CDH20: variants seen among roughly 807,000 people sequenced by gnomAD.
The protein encoded by CDH20 is cadherin 20, also known as cadherin-20.
CDH20 carries 29 observed loss-of-function variants against 74.2 expected under a neutral mutation model. The observed-to-expected ratio is 0.39, with a 90% CI of 0.29 to 0.53. The LOEUF (loss-of-function observed/expected upper bound fraction) is 0.53. Among genes scored for constraint, CDH20 ranks in the 20% least tolerant of loss-of-function variants. The probability of loss-of-function intolerance (pLI) is 0.69; values close to 1 mark genes in which losing one functional copy is unlikely to be tolerated. For synonymous variants in CDH20, 469 were observed against 405.4 expected (o/e 1.16, Z -1.88); for missense variants, 988 against 1,048.3 (o/e 0.94, Z 0.79).
intron 1 of CDH20, among the ~76,000 whole-genome samples, chr18:61,349,805 G>T (rs962428950): frequency 6.6e-6 from 1 of 151,586 alleles, no homozygotes; most frequent in African/African-American, 2.4e-5. Flanking sequence ...TCAAAATTAG[G>T]TGTTTTAATC....
intron 5 of CDH20, among the ~76,000 whole-genome samples, chr18:61,506,957 G>A (rs1360529960): frequency 6.6e-6 from 1 of 152,154 alleles, no homozygotes; most frequent in Non-Finnish European, 1.5e-5. Context: ...AAAAAAGATG[G>A]ACATTTGAAG....
intron 6 of CDH20, among the ~76,000 whole-genome samples, chr18:61,515,720 T>C (rs866062096): frequency 6.9e-6 from 1 of 144,354 alleles, no homozygotes; most frequent in African/African-American, 2.6e-5. Context: ...ATAGGTAGAA[T>C]TGAACAATGA....
chr18:61,554,792 G>T lies in CDH20; in HGVS notation c.*97G>T, dbSNP rs891723514. The T allele has an allele frequency of 2.1e-6, 3 of 1,446,430 alleles. No individual in the cohort carries two copies. The highest frequency in any genetic ancestry group is 1.8e-6 in the Non-Finnish European group (2 of 1,100,662). The allele number at this position is 1,446,430 out of a possible 1,614,324, so 89.6% of individuals were successfully genotyped here. On this transcript the variant is annotated 3_prime_UTR_variant, in exon 12 of 12. Transcript: ENST00000262717. Reference sequence around the variant, plus strand: ...CAACCACACGAGCAATACTGTGCTGGAGAGTGAGAATGGGGGTGAGCAGGC... The same window carrying T: ...CAACCACACGAGCAATACTGTGCTGTAGAGTGAGAATGGGGGTGAGCAGGC...
intron 6 of CDH20, among the ~76,000 whole-genome samples, chr18:61,525,964 A>ATTTGTTT (rs1912384167): frequency 1.2e-5 from 1 of 84,366 alleles, no homozygotes; most frequent in African/African-American, 5.6e-5. Context: ...CACCCAGCTA[A>ATTTGTTT]TTTTTTTTTT....
intron 1 of CDH20, among the ~76,000 whole-genome samples, chr18:61,413,670 T>C (rs867936629): frequency 5.9e-5 from 9 of 151,924 alleles, no homozygotes; most frequent in Non-Finnish European, 1.3e-4. Flanking sequence ...ATATTTTTTA[T>C]ATCCTCTGTA....
chr18:61,487,648 G>A (rs1326140688), intron 1 of CDH20, among the ~76,000 whole-genome samples: 1 of 152,130 alleles, frequency 6.6e-6, no homozygotes, highest in Non-Finnish European at 1.5e-5. Flanking sequence ...TGGAGGGGAG[G>A]AAAATAAGAA....
chr18:61,371,861 T>C (rs1911054518), intron 1 of CDH20, among the ~76,000 whole-genome samples: 1 of 152,108 alleles, frequency 6.6e-6, no homozygotes, highest in Non-Finnish European at 1.5e-5. Context: ...ATGACTCCAG[T>C]AGAGGACTGC....
At chr18:61,356,715 G>A (rs191651526) in intron 1 of CDH20, among the ~76,000 whole-genome samples, 7 of 152,272 alleles carry the variant, frequency 4.6e-5, no homozygotes, top group Admixed American at 4.6e-4. Context: ...TTGGCTGACA[G>A]CTCTGGCTAA....
At chr18:61,445,105 G>A (rs1909156267) in intron 1 of CDH20, among the ~76,000 whole-genome samples, 1 of 151,920 alleles carries the variant, frequency 6.6e-6, no homozygotes. Flanking sequence ...AGGTTTTAAA[G>A]CTTGGCTATG....
At position 61,473,184 on chromosome 18, in the gene CDH20, T is replaced by C. The variant is rs370905458; in HGVS notation, c.-152-17218T>C. Reference sequence around the variant, plus strand: ...CTTGTTTTGAAACAACTTGGGGAAATAGATTTTTATCTCTCTCTTTAATCC... The same window carrying C: ...CTTGTTTTGAAACAACTTGGGGAAACAGATTTTTATCTCTCTCTTTAATCC... On this transcript the variant is annotated intron_variant, in intron 1 of 11. Coordinates refer to ENST00000262717, the MANE Select transcript of CDH20 (RefSeq NM_031891.4). 1.4e-3 allele frequency among the ~76,000 whole-genome samples: 208 copies of C among 152,316 alleles called. 1 individual carries two copies. Among genetic ancestry groups the C allele is most frequent in the African/African-American group, 4.7e-3 (195 of 41,566 alleles).
chr18:61,352,071 T>G (rs1910323742), intron 1 of CDH20, among the ~76,000 whole-genome samples: 1 of 152,348 alleles, frequency 6.6e-6, no homozygotes, highest in Non-Finnish European at 1.5e-5. Flanking sequence ...GAACAGCTTC[T>G]CGATGCCTCT....
intron 1 of CDH20, among the ~76,000 whole-genome samples, chr18:61,438,084 T>C (rs1308692119): frequency 6.6e-6 from 1 of 152,166 alleles, no homozygotes; most frequent in East Asian, 1.9e-4. Context: ...GCATTTCAGC[T>C]TGGCTGGCTG....
At chr18:61,345,723 A>G (rs1284008705) in intron 1 of CDH20, among the ~76,000 whole-genome samples, 1 of 152,200 alleles carries the variant, frequency 6.6e-6, no homozygotes, top group African/African-American at 2.4e-5. Flanking sequence ...GTTCTGAATC[A>G]AGAACCCAGA....
At chr18:61,510,660 C>T (rs944859272) in intron 6 of CDH20, among the ~76,000 whole-genome samples, 1 of 152,124 alleles carries the variant, frequency 6.6e-6, no homozygotes, top group African/African-American at 2.4e-5. Context: ...ATTCCACCAA[C>T]CAGAAATCTT....
chr18:61,426,628 C>G (rs1166455048), intron 1 of CDH20, among the ~76,000 whole-genome samples: 1 of 152,184 alleles, frequency 6.6e-6, no homozygotes, highest in East Asian at 1.9e-4. Context: ...CCCATTGACT[C>G]CCAGTGTTCT....
At chr18:61,538,424 T>G (rs547832089) in intron 8 of CDH20, among the ~76,000 whole-genome samples, 11 of 151,924 alleles carry the variant, frequency 7.2e-5, no homozygotes, top group Non-Finnish European at 1.5e-5. Flanking sequence ...ATACTGCTGA[T>G]AGCAAAGGTT....
At chr18:61,395,252 C>T (rs1911925909) in intron 1 of CDH20, among the ~76,000 whole-genome samples, 1 of 152,182 alleles carries the variant, frequency 6.6e-6, no homozygotes, top group South Asian at 2.1e-4. Context: ...CACTCACTAG[C>T]AGTGGTGCTT....
rs928648046 is a variant in CDH20 at position 61,499,630 on chromosome 18, CA to C, written c.541+155del. 1.5e-5 allele frequency: 10 copies of C among 647,482 alleles called. No homozygotes were observed. In the African/African-American group the frequency reaches 1.8e-4, roughly 12 times the overall value. 40.1% of individuals were successfully genotyped at this position (647,482 alleles called of 1,614,324 possible). The stretch of plus-strand genomic sequence containing the variant: ...AGAAGCTCACCAATTATAAAGCAAC[CA>C]AAAATGACGACCAAGCCCTTTGGCT... On this transcript the variant is annotated intron_variant, in intron 3 of 11. Transcript: ENST00000262717.
At chr18:61,369,079 C>T (rs886859978) in intron 1 of CDH20, among the ~76,000 whole-genome samples, 2 of 151,898 alleles carry the variant, frequency 1.3e-5, no homozygotes, top group Non-Finnish European at 2.9e-5. Context: ...TGGGTTCAAA[C>T]AAACCACCAA....
Sources: gnomAD v4.1 joint callset for allele counts (sites outside exome capture counted in the v4.1 genomes callset) on GRCh38, gnomAD v4.1.1 for gene constraint, MANE v1.5 for transcripts, NCBI Gene and HGNC (gene_info 2026-07-23, HGNC 2026-07-21) for gene names.